The following STK3 variants were observed in gnomAD, a reference collection of about 807,000 sequenced individuals.
The protein encoded by STK3 is serine/threonine-protein kinase 3.
Under a neutral mutation model 58.0 loss-of-function variants are expected in STK3, and 41 were observed. The ratio of observed to expected loss-of-function variants is 0.71; its 90% CI spans 0.55 to 0.92. The LOEUF (loss-of-function observed/expected upper bound fraction) is 0.92. STK3 is among the 40% of genes least tolerant of loss of function. The pLI, the probability that STK3 is intolerant of heterozygous loss-of-function variation, is 0.00. For synonymous variants in STK3, 170 were observed against 191.0 expected, an observed-to-expected ratio of 0.89 and a Z score of 0.91; for missense variants, 479 against 602.7, an observed-to-expected ratio of 0.79 and a Z score of 2.15.
chr8:98,771,794 T>A (rs1042611406), intron 2 of STK3, among the ~76,000 whole-genome samples: 2 of 152,178 alleles, frequency 1.3e-5, no homozygotes, highest in African/African-American at 4.8e-5. Flanking sequence ...ACCATATTGG[T>A]CAAGCTGGTC....
At chr8:98,492,388 T>C (rs1822765713) in intron 10 of STK3, among the ~76,000 whole-genome samples, 1 of 152,190 alleles carries the variant, frequency 6.6e-6, no homozygotes, top group South Asian at 2.1e-4. Context: ...CAGGAGTGTG[T>C]TAGAAGTATA....
At chr8:98,824,399 T>C (rs1835114105) in intron 1 of STK3, among the ~76,000 whole-genome samples, 1 of 152,120 alleles carries the variant, frequency 6.6e-6, no homozygotes, top group Admixed American at 6.6e-5. Context: ...CAATTCAGAG[T>C]TGTTCAAACT....
chr8:98,915,403 T>A (rs1007185197), intron 1 of STK3, among the ~76,000 whole-genome samples: 3 of 140,054 alleles, frequency 2.1e-5, no homozygotes, highest in African/African-American at 8.3e-5. Context: ...GACCTTGTGA[T>A]CATGTGAGTT....
chr8:98,395,952 A>T (rs1817893775), intron 3 of STK3, among the ~76,000 whole-genome samples: 1 of 152,196 alleles, frequency 6.6e-6, no homozygotes, highest in South Asian at 2.1e-4. Context: ...GTGCAGGAAA[A>T]ATCTCTTCTG....
chr8:98,824,003 C>T (rs1835081236), intron 1 of STK3, among the ~76,000 whole-genome samples: 1 of 152,172 alleles, frequency 6.6e-6, no homozygotes. Context: ...TCAACATCCT[C>T]ATCTATAAAT....
chr8:98,496,749 T>C (rs1391200181), intron 10 of STK3, among the ~76,000 whole-genome samples: 1 of 152,158 alleles, frequency 6.6e-6, no homozygotes. Context: ...TCCATTTATA[T>C]GAGGTATCTA....
intron 3 of STK3, chr8:98,431,150 T>C (rs1818319831): frequency 6.0e-6 from 1 of 167,166 alleles, no homozygotes; most frequent in South Asian, 2.1e-4. Context: ...TTGAAGATGA[T>C]ACTTACCTCA....
chr8:98,789,541 A>T (rs1316801835), intron 1 of STK3, among the ~76,000 whole-genome samples: 1 of 152,212 alleles, frequency 6.6e-6, no homozygotes, highest in Non-Finnish European at 1.5e-5. Context: ...AAGAAAATCC[A>T]AATAAGCTCA....
chr8:98,904,925 CT>C (rs1838831024), intron 1 of STK3: 1 of 703,848 alleles, frequency 1.4e-6, no homozygotes, highest in Non-Finnish European at 2.7e-6. Context: ...GGGACATGGT[CT>C]GCTCTGCCTA....
chr8:98,587,858 T>G (rs1201573571), intron 7 of STK3, among the ~76,000 whole-genome samples: 4 of 152,160 alleles, frequency 2.6e-5, no homozygotes, highest in African/African-American at 7.2e-5. Context: ...TGTAATGGCC[T>G]TCTTTGTCTC....
chr8:98,696,871 T>A (rs1824995785), intron 6 of STK3, among the ~76,000 whole-genome samples: 1 of 152,228 alleles, frequency 6.6e-6, no homozygotes, highest in Non-Finnish European at 1.5e-5. Flanking sequence ...GCTGGCCTCA[T>A]AAAATGAGTT....
At chr8:98,596,245 C>T (rs993245976) in intron 6 of STK3, 76 bp from the exon 7 acceptor site, 1 of 1,460,198 alleles carries the variant, frequency 6.8e-7, no homozygotes, top group East Asian at 2.4e-5. Flanking sequence ...CTTTATCTGT[C>T]TTTTTATCAG....
chr8:98,432,676 C>T (rs889888791), intron 3 of STK3: 3 of 167,098 alleles, frequency 1.8e-5, no homozygotes, highest in Non-Finnish European at 4.4e-5. Flanking sequence ...TAGTGGTGAT[C>T]TGTACAGGCT....
At chr8:98,736,488 T>G (rs1828608613) in intron 4 of STK3, among the ~76,000 whole-genome samples, 1 of 152,192 alleles carries the variant, frequency 6.6e-6, no homozygotes, top group South Asian at 2.1e-4. Context: ...ATACATAAAC[T>G]CTGTTTATAC....
downstream of STK3, chr8:98,882,408 T>C (rs924089776): frequency 2.3e-5 from 3 of 128,856 alleles, no homozygotes; most frequent in Non-Finnish European, 4.7e-5. Flanking sequence ...TTCATACCAA[T>C]ATCCTTTTTT....
chr8:98,895,140 C>T, intron 1 of STK3, among the ~76,000 whole-genome samples: 1 of 152,058 alleles, frequency 6.6e-6, no homozygotes, highest in East Asian at 1.9e-4. Context: ...TATCTGCTCC[C>T]TGTGCCAGGT....
intron 1 of STK3, among the ~76,000 whole-genome samples, chr8:98,903,556 C>CTTCTTCTTCCTCTTCTT (rs200556218): frequency 5.9e-5 from 3 of 50,518 alleles, no homozygotes; most frequent in African/African-American, 2.0e-4. Context: ...TCTTCTTCTT[C>CTTCTTCTTCCTCTTCTT]CTTTTTTTTT....
intron 2 of STK3, among the ~76,000 whole-genome samples, chr8:98,373,425 CTG>C (rs1817633175): frequency 6.6e-6 from 1 of 152,204 alleles, no homozygotes; most frequent in African/African-American, 2.4e-5. Flanking sequence ...TACTTATGGT[CTG>C]GCTTATTCTC....
chr8:98,371,429 C>T (rs1417461516), exon 3 of STK3: 1 of 152,166 alleles, frequency 6.6e-6, no homozygotes, highest in Non-Finnish European at 1.5e-5. Context: ...AATAATACTC[C>T]TAAGGTTAAC....
Sources: allele counts gnomAD v4.1 joint callset (sites outside exome capture counted in the v4.1 genomes callset), GRCh38; gene constraint gnomAD v4.1.1; transcripts MANE v1.5; gene names NCBI Gene and HGNC (gene_info 2026-07-23, HGNC 2026-07-21).